Variants in HTR5A observed in about 807,000 individuals in gnomAD.
HTR5A encodes 5-hydroxytryptamine receptor 5A.
A neutral mutation model predicts 24.3 loss-of-function variants in HTR5A; 21 were observed. The observed-to-expected ratio is 0.86, with a 90% CI of 0.61 to 1.24. The LOEUF is 1.24. HTR5A is among the 50% of genes most tolerant of loss of function. The pLI is 0.00. For missense variants in HTR5A, 497 were observed against 489.5 expected (o/e 1.02, Z -0.15); for synonymous variants, 260 against 213.7 (o/e 1.22, Z -1.89).
chr7:155,075,335 C>T (rs1795348855), intron 1 of HTR5A, among the ~76,000 whole-genome samples: 2 of 152,182 alleles, frequency 1.3e-5, no homozygotes, highest in Non-Finnish European at 2.9e-5. Context: ...GCACGTTGAT[C>T]AACATGAGTT....
Position 155,084,668 on chromosome 7 carries a change from T to G in HTR5A, c.*181T>G, listed in dbSNP as rs140930929. 1.2e-5 allele frequency: 7 copies of G among 592,124 alleles called. No homozygotes were observed. The highest frequency in any genetic ancestry group is 2.1e-5 in the Non-Finnish European group (7 of 335,910). 36.7% of individuals were successfully genotyped at this position (592,124 alleles called of 1,614,324 possible). A position where few individuals can be genotyped will look rare whatever the true frequency, so the allele number is the denominator to read the frequency against. On this transcript the variant is annotated 3_prime_UTR_variant, in exon 2 of 2. Coordinates refer to ENST00000287907, the MANE Select transcript of HTR5A (RefSeq NM_024012.4). The stretch of plus-strand genomic sequence containing the variant: ...TCCTCAGTAGGAATATGACTCCTCA[T>G]AGAGTTACGGTGACATGATGTATCT...
intron 1 of HTR5A, among the ~76,000 whole-genome samples, chr7:155,075,144 G>A (rs866517688): frequency 1.5e-4 from 23 of 152,196 alleles, no homozygotes; most frequent in Middle Eastern, 3.4e-3. Context: ...AACTTGTTCC[G>A]GGCTAAAGAG....
In HTR5A at chr7:155,085,231, C is replaced by G. The variant is rs903975192; in HGVS notation, c.*744C>G. 1.3e-5 allele frequency: 2 copies of G among 152,230 alleles called. No homozygotes were observed. Among genetic ancestry groups the G allele is most frequent in the African/African-American group, 4.8e-5 (2 of 41,436 alleles). The allele number at this position is 152,230 out of a possible 1,614,324, so 9.4% of individuals were successfully genotyped here. ...ACTACTTCCTTTCATTTTGAAGCAA[C>G]AGTTTATAAACAGGAAAGTCTACTG... On this transcript the variant is annotated 3_prime_UTR_variant, in exon 2 of 2. Transcript: ENST00000287907.
rs1409572854 is a variant in HTR5A at position 155,084,266 on chromosome 7, C to A, written c.853C>A (p.Leu285Ile). Residue 285 changes from leucine to isoleucine, a missense_variant, in exon 2 of 2, where the codon CTC (leucine) becomes ATC (isoleucine). Coordinates refer to ENST00000287907, the MANE Select transcript of HTR5A (RefSeq NM_024012.4). Reference sequence around the variant, plus strand: ...GGAGCAGAAGGAGCAGCGGGCCGCCCTCATGGTGGGCATCCTCATTGGCGT... The same window carrying A: ...GGAGCAGAAGGAGCAGCGGGCCGCCATCATGGTGGGCATCCTCATTGGCGT... ...WREQKEQRAA[L>I]MVGILIGVFV... 6.2e-7 allele frequency: 1 copy of A among 1,614,042 alleles called. No individual in the cohort carries two copies. Among genetic ancestry groups the A allele is most frequent in the African/African-American group, 1.3e-5 (1 of 74,910 alleles).
At chr7:155,080,339 A>T (rs6953589) in intron 1 of HTR5A, among the ~76,000 whole-genome samples, 1 of 152,214 alleles carries the variant, frequency 6.6e-6, no homozygotes, top group African/African-American at 2.4e-5. Flanking sequence ...TTGCGAACTT[A>T]TCCAAGGACA....
In HTR5A at chr7:155,071,441, G is replaced by A. The variant is rs772092219; in HGVS notation, c.542G>A (p.Trp181Ter). The A allele has an allele frequency of 6.2e-7, 1 of 1,614,174 alleles. No homozygotes were observed. The highest frequency in any genetic ancestry group is 8.5e-7 in the Non-Finnish European group (1 of 1,180,042). ...TCTCTGGCCCCGCTGCTTTTTGGCT[G>A]GGGAGAGACGTACTCTGAGGGCAGC... ...VISLAPLLFG[W>*]GETYSEGSEE... The change falls in exon 1 of 2, where the codon TGG becomes TAG. Residue 181 changes from tryptophan (W) to a stop codon, truncating the protein, a stop_gained. Coordinates refer to ENST00000287907, the MANE Select transcript of HTR5A (RefSeq NM_024012.4). LOFTEE classifies it high-confidence loss of function.
chr7:155,077,367 C>T (rs1034057454), intron 1 of HTR5A: 1 of 151,966 alleles, frequency 6.6e-6, no homozygotes, highest in Non-Finnish European at 1.5e-5. Flanking sequence ...TCTCTCAAGC[C>T]TTTGAAAAAT....
chr7:155,082,822 C>A (rs1795433121), intron 1 of HTR5A, among the ~76,000 whole-genome samples: 1 of 152,120 alleles, frequency 6.6e-6, no homozygotes, highest in South Asian at 2.1e-4. Context: ...AAATCAGTAA[C>A]CAAAGGTAAC....
intron 1 of HTR5A, among the ~76,000 whole-genome samples, chr7:155,078,072 G>T (rs780207718): frequency 1.3e-5 from 2 of 152,128 alleles, no homozygotes; most frequent in Non-Finnish European, 2.9e-5. Flanking sequence ...TGGCCAACAC[G>T]AGATGTTCAT....
chr7:155,072,146 T>G (rs1435328213), intron 1 of HTR5A, among the ~76,000 whole-genome samples: 11 of 152,216 alleles, frequency 7.2e-5, no homozygotes, highest in Admixed American at 7.2e-4. Context: ...ATTCTTTTTC[T>G]TTGCAAATTA....
chr7:155,073,580 TCAAATTC>T (rs1795322153), intron 1 of HTR5A, among the ~76,000 whole-genome samples: 1 of 151,818 alleles, frequency 6.6e-6, no homozygotes, highest in Non-Finnish European at 1.5e-5. Flanking sequence ...GAGGGTCCAC[TCAAATTC>T]CAGACCAGGA....
At chr7:155,073,915 ATG>A (rs1184877112) in intron 1 of HTR5A, among the ~76,000 whole-genome samples, 1 of 126,086 alleles carries the variant, frequency 7.9e-6, no homozygotes, top group Non-Finnish European at 1.7e-5. Flanking sequence ...ATATATATAT[ATG>A]TATATATATA....
intron 1 of HTR5A, among the ~76,000 whole-genome samples, chr7:155,081,007 A>C (rs1472142781): frequency 1.3e-5 from 2 of 152,208 alleles, no homozygotes; most frequent in Non-Finnish European, 2.9e-5. Context: ...TCCTTGATTG[A>C]CTGAAGAGGT....
chr7:155,083,005 C>A (rs1336244038), intron 1 of HTR5A, among the ~76,000 whole-genome samples: 1 of 152,150 alleles, frequency 6.6e-6, no homozygotes, highest in Non-Finnish European at 1.5e-5. Flanking sequence ...GTCAGCAAAG[C>A]TCTTCTACAA....
At position 155,086,483 on chromosome 7, in the gene HTR5A, C is replaced by T. The variant is rs985329808; in HGVS notation, c.*1996C>T. 6.6e-6 allele frequency among the ~76,000 whole-genome samples: 1 copy of T among 152,158 alleles called. No individual in the cohort carries two copies. Among genetic ancestry groups the T allele is most frequent in the African/African-American group, 2.4e-5 (1 of 41,442 alleles). ...GATTCTGTATACCCCAGTTGGAGAA[C>T]GATGTTATTATAATATTAATTCAAT... On this transcript the variant is annotated 3_prime_UTR_variant, in exon 2 of 2. Coordinates refer to ENST00000287907, the MANE Select transcript of HTR5A (RefSeq NM_024012.4).
At position 155,070,874 on chromosome 7, in the gene HTR5A, C is replaced by T. The variant is rs375430186; in HGVS notation, c.-26C>T. 1 of 1,579,784 alleles carries T rather than the reference C, an allele frequency of 6.3e-7. No homozygotes were observed. Among genetic ancestry groups the T allele is most frequent in the African/African-American group, 1.3e-5 (1 of 74,680 alleles). On this transcript the variant is annotated 5_prime_UTR_variant, in exon 1 of 2. Transcript: ENST00000287907. ...CTCCTGAACACCCCTTCTGCAAGTA[C>T]CCCAGGGCGGTCTCCTGACCCAGAG...
intron 1 of HTR5A, among the ~76,000 whole-genome samples, chr7:155,073,889 GTATATATA>G (rs1169692099): frequency 8.3e-4 from 8 of 9,658 alleles, no homozygotes; most frequent in Non-Finnish European, 2.6e-3. Context: ...ATATATATAT[GTATATATA>G]TATATATATA....
At position 155,071,019 on chromosome 7, in the gene HTR5A, A is replaced by C; in HGVS notation, c.120A>C (p.Gly40=). 6.2e-7 allele frequency: 1 copy of C among 1,611,468 alleles called. No homozygotes were observed. Among genetic ancestry groups the C allele is most frequent in the Non-Finnish European group, 8.5e-7 (1 of 1,180,008 alleles). Residue 40 remains glycine, a synonymous_variant, in exon 1 of 2, where the codon GGA becomes GGC. Transcript: ENST00000287907. The part of the protein sequence containing the change: ...RPSSPLLSVF[G]VLILTLLGFL... ...GCTCGCCCCTGCTCTCGGTCTTCGG[A>C]GTGCTTATTCTCACCTTGCTGGGCT...
At chr7:155,075,421 A>G (rs1231947534) in intron 1 of HTR5A, among the ~76,000 whole-genome samples, 1 of 152,228 alleles carries the variant, frequency 6.6e-6, no homozygotes, top group East Asian at 1.9e-4. Flanking sequence ...GTTCCGAACA[A>G]CAGATGCTGA....
Sources: allele counts gnomAD v4.1 joint callset (sites outside exome capture counted in the v4.1 genomes callset), GRCh38; gene constraint gnomAD v4.1.1; transcripts MANE v1.5; gene names NCBI Gene and HGNC (gene_info 2026-07-23, HGNC 2026-07-21).